Variants in FBXL17 observed in about 807,000 individuals in gnomAD.
FBXL17 encodes the protein F-box and leucine rich repeat protein 17, also known as F-box/LRR-repeat protein 17.
Under a neutral mutation model 66.2 loss-of-function variants are expected in FBXL17, and 22 were observed. The observed-to-expected ratio is 0.33, with a 90% CI of 0.24 to 0.47. FBXL17 has a LOEUF of 0.47. FBXL17 is among the 20% of genes least tolerant of loss of function. The pLI is 1.00. For missense variants in FBXL17, 878 were observed against 948.2 expected (o/e 0.93, Z 0.97); for synonymous variants, 474 against 400.5 (o/e 1.18, Z -2.19).
intron 6 of FBXL17, among the ~76,000 whole-genome samples, chr5:108,046,938 C>G (rs1747274371): frequency 6.6e-6 from 1 of 152,172 alleles, no homozygotes; most frequent in African/African-American, 2.4e-5. Flanking sequence ...TAGAAAATTT[C>G]CTTTTGCCAT....
At chr5:108,376,091 A>G (rs1206191891) in intron 1 of FBXL17, among the ~76,000 whole-genome samples, 2 of 152,232 alleles carry the variant, frequency 1.3e-5, no homozygotes, top group Non-Finnish European at 2.9e-5. Context: ...TTCTTGATTA[A>G]AACATTCAGA....
chr5:107,903,799 G>C (rs1580698888), intron 7 of FBXL17, among the ~76,000 whole-genome samples: 1 of 152,056 alleles, frequency 6.6e-6, no homozygotes, highest in Non-Finnish European at 1.5e-5. Context: ...CAAAATATTG[G>C]GACATTCGTT....
intron 7 of FBXL17, among the ~76,000 whole-genome samples, chr5:108,018,331 GTAA>G (rs1274096172): frequency 6.6e-6 from 1 of 152,122 alleles, no homozygotes; most frequent in Non-Finnish European, 1.5e-5. Flanking sequence ...CTTAGAATTT[GTAA>G]TAATAGGGTA....
At chr5:108,262,885 T>C (rs1756896242) in intron 4 of FBXL17, among the ~76,000 whole-genome samples, 1 of 152,230 alleles carries the variant, frequency 6.6e-6, no homozygotes, top group South Asian at 2.1e-4. Flanking sequence ...ACTACCTATT[T>C]ATAATTTTTA....
intron 4 of FBXL17, chr5:108,299,044 G>A (rs971708436): frequency 2.0e-6 from 2 of 976,134 alleles, no homozygotes; most frequent in Non-Finnish European, 2.4e-6. Context: ...ATTTTAACAT[G>A]AGTACATATC....
Position 108,177,911 on chromosome 5 carries a change from G to GTATATA in FBXL17, c.1745+8200_1745+8205dup, listed in dbSNP as rs70996985. ...TTATCCTTGCTCCAGAAAAAAAAAT[G>GTATATA]TATATATATATATATATATATACAC... On this transcript the variant is annotated intron_variant, in intron 6 of 8. Coordinates refer to ENST00000542267, the MANE Select transcript of FBXL17 (RefSeq NM_001163315.3). Among the ~76,000 whole-genome samples the GTATATA allele has an allele frequency of 5.8e-3, 672 of 115,240 alleles. 12 individuals are homozygous for GTATATA. Among genetic ancestry groups the GTATATA allele is most frequent in the African/African-American group, 0.017 (549 of 33,208 alleles). The allele number at this position is 115,240 out of a possible 152,430, so 75.6% of individuals were successfully genotyped here. A position where few individuals can be genotyped will look rare whatever the true frequency, so the allele number is the denominator to read the frequency against.
intron 2 of FBXL17, among the ~76,000 whole-genome samples, chr5:108,365,767 T>C (rs769610137): frequency 5.3e-5 from 8 of 152,214 alleles, no homozygotes; most frequent in Middle Eastern, 3.4e-3. Flanking sequence ...TGGGAGTTAG[T>C]TGAACTGAAT....
intron 6 of FBXL17, among the ~76,000 whole-genome samples, chr5:108,155,615 C>T (rs576132880): frequency 1.1e-4 from 16 of 152,300 alleles, no homozygotes; most frequent in African/African-American, 3.8e-4. Context: ...AACATTTTGA[C>T]TAGCAGATCC....
rs2149959778 is a variant in FBXL17 at position 108,116,813 on chromosome 5, T to C, written c.1745+69304A>G. Among the ~76,000 whole-genome samples the C allele has an allele frequency of 2.0e-5, 3 of 152,260 alleles. No homozygotes were observed. In the East Asian group the frequency reaches 5.8e-4, roughly 29 times the overall value. ...CCATCCTGGGATTAACACCCAGGTA[T>C]TTAATTCCCAATCTGGCCAGCAGCC... On this transcript the variant is annotated intron_variant, in intron 6 of 8. Coordinates refer to ENST00000542267, the MANE Select transcript of FBXL17 (RefSeq NM_001163315.3).
intron 4 of FBXL17, among the ~76,000 whole-genome samples, chr5:108,275,867 C>T (rs930706862): frequency 5.9e-5 from 9 of 152,174 alleles, no homozygotes; most frequent in African/African-American, 2.2e-4. Context: ...GCTCTAATCT[C>T]CTAATTCCAA....
chr5:108,080,418 G>T (rs1419274415), intron 6 of FBXL17, among the ~76,000 whole-genome samples: 2 of 152,192 alleles, frequency 1.3e-5, no homozygotes, highest in African/African-American at 4.8e-5. Flanking sequence ...CATGCACTTT[G>T]TTAGTAGAGG....
chr5:108,022,552 A>G (rs1427973500), intron 6 of FBXL17, among the ~76,000 whole-genome samples: 1 of 152,032 alleles, frequency 6.6e-6, no homozygotes, highest in Non-Finnish European at 1.5e-5. Context: ...TCCATTGCCT[A>G]CCAAAAAAAC....
chr5:107,866,881 G>C (rs1748290517), intron 8 of FBXL17, among the ~76,000 whole-genome samples: 1 of 152,084 alleles, frequency 6.6e-6, no homozygotes, highest in Non-Finnish European at 1.5e-5. Context: ...AGTCCTATAG[G>C]CACTGTCTGG....
rs528383859 is a variant in FBXL17, at chr5:108,218,994, C to T, written c.1614+5127G>A. On this transcript the variant is annotated intron_variant, in intron 5 of 8. Transcript: ENST00000542267. Reference sequence around the variant, plus strand: ...CAACTTTGCTTTTCTGGGATAAACTCTAATTAGGTCATGACATAATTATCC... The same window carrying T: ...CAACTTTGCTTTTCTGGGATAAACTTTAATTAGGTCATGACATAATTATCC... Among the ~76,000 whole-genome samples, 10 of 152,250 alleles carry T rather than the reference C, an allele frequency of 6.6e-5. No individual in the cohort carries two copies. In the South Asian group the frequency reaches 2.1e-3, roughly 32 times the overall value.
intron 4 of FBXL17, among the ~76,000 whole-genome samples, chr5:108,333,305 A>G (rs963770643): frequency 1.1e-4 from 16 of 151,996 alleles, no homozygotes; most frequent in Non-Finnish European, 2.2e-4. Context: ...CCAAATATAT[A>G]AAGGAAGAAG....
chr5:108,059,490 T>C (rs968028695), intron 6 of FBXL17, among the ~76,000 whole-genome samples: 4 of 152,140 alleles, frequency 2.6e-5, no homozygotes, highest in African/African-American at 9.7e-5. Flanking sequence ...CAGGATGGCA[T>C]TTCAGAGGCA....
chr5:108,105,141 G>GATTTTTT (rs1749747475), intron 6 of FBXL17, among the ~76,000 whole-genome samples: 2 of 152,106 alleles, frequency 1.3e-5, no homozygotes, highest in African/African-American at 4.8e-5. Context: ...ACACCTGGCC[G>GATTTTTT]TGATTTTTTT....
chr5:108,047,638 A>G (rs543381050), intron 6 of FBXL17, among the ~76,000 whole-genome samples: 1 of 152,250 alleles, frequency 6.6e-6, no homozygotes, highest in Non-Finnish European at 1.5e-5. Context: ...TGGTTGCAAG[A>G]GCTGTCCCCC....
intron 4 of FBXL17, among the ~76,000 whole-genome samples, chr5:108,341,429 C>G (rs1746874206): frequency 6.6e-6 from 1 of 152,068 alleles, no homozygotes; most frequent in South Asian, 2.1e-4. Flanking sequence ...ACAACAGAGA[C>G]TTGAAGTTTA....
Sources: gnomAD v4.1 joint callset for allele counts (sites outside exome capture counted in the v4.1 genomes callset) on GRCh38, gnomAD v4.1.1 for gene constraint, MANE v1.5 for transcripts, NCBI Gene and HGNC (gene_info 2026-07-23, HGNC 2026-07-21) for gene names.